SDC2: variants seen among roughly 807,000 people sequenced by gnomAD.
SDC2 encodes the protein syndecan 2.
In SDC2, 13 loss-of-function variants were observed where a neutral mutation model predicts 22.2. The observed-to-expected ratio is 0.59, with a 90% confidence interval of 0.38 to 0.93. SDC2 has a LOEUF of 0.93. Ranked by LOEUF, SDC2 falls within the 40% of genes least tolerant of loss-of-function variation. The probability of loss-of-function intolerance (pLI) is 0.00; values close to 1 mark genes in which losing one functional copy is unlikely to be tolerated. For missense variants in SDC2, 235 were observed against 246.8 expected (o/e 0.95, Z 0.32); for synonymous variants, 94 against 92.8 (o/e 1.01, Z -0.07).
At chr8:96,535,298 T>C (rs368337018) in intron 1 of SDC2, among the ~76,000 whole-genome samples, 14 of 152,336 alleles carry the variant, frequency 9.2e-5, no homozygotes, top group East Asian at 1.9e-4. Context: ...TGAGCCACTG[T>C]GCCCGGCCCC....
At chr8:96,572,379 T>G (rs1395907546) in intron 1 of SDC2, among the ~76,000 whole-genome samples, 1 of 152,178 alleles carries the variant, frequency 6.6e-6, no homozygotes, top group African/African-American at 2.4e-5. Flanking sequence ...TAATGCCCAC[T>G]GCCTGTGCAC....
chr8:96,518,795 A>C (rs1478368551), intron 1 of SDC2, among the ~76,000 whole-genome samples: 2 of 152,142 alleles, frequency 1.3e-5, no homozygotes, highest in Non-Finnish European at 2.9e-5. Context: ...AGTGGTAATA[A>C]TAATTAGGAA....
At chr8:96,557,822 A>G (rs1814144294) in intron 1 of SDC2, among the ~76,000 whole-genome samples, 1 of 152,188 alleles carries the variant, frequency 6.6e-6, no homozygotes, top group Non-Finnish European at 1.5e-5. Flanking sequence ...CAGTATTTTT[A>G]TCTCTTTGAT....
chr8:96,553,949 G>C (rs1814068121), intron 1 of SDC2, among the ~76,000 whole-genome samples: 3 of 151,582 alleles, frequency 2.0e-5, no homozygotes, highest in African/African-American at 7.3e-5. Context: ...TTTGTTGTTT[G>C]CTTTTTGTTT....
At chr8:96,541,166 C>A (rs143809164) in intron 1 of SDC2, among the ~76,000 whole-genome samples, 27 of 152,204 alleles carry the variant, frequency 1.8e-4, no homozygotes, top group East Asian at 9.7e-4. Flanking sequence ...CACGGTGGCT[C>A]ACACCTATAA....
At chr8:96,523,829 T>C (rs2130466440) in intron 1 of SDC2, among the ~76,000 whole-genome samples, 1 of 152,330 alleles carries the variant, frequency 6.6e-6, no homozygotes, top group Middle Eastern at 3.4e-3. Context: ...AATGATTTCT[T>C]TTCCCTTAAA....
At position 96,611,660 on chromosome 8, in the gene SDC2, G is replaced by T. The variant is rs1258663713; in HGVS notation, c.*2112G>T. On this transcript the variant is annotated 3_prime_UTR_variant, in exon 5 of 5. Coordinates refer to ENST00000302190, the MANE Select transcript of SDC2 (RefSeq NM_002998.4). ...AAATTCAATTCATAGAATAACAACTGCTGGGAATATCCGTGCCAGGAAAAG... is the reference window on the plus strand; with the variant it reads ...AAATTCAATTCATAGAATAACAACTTCTGGGAATATCCGTGCCAGGAAAAG... The T allele has an allele frequency of 6.6e-6, 1 of 152,586 alleles. No homozygotes were observed. The highest frequency in any genetic ancestry group is 1.5e-5 in the Non-Finnish European group (1 of 68,040). The allele number at this position is 152,586 out of a possible 1,614,324, so 9.5% of individuals were successfully genotyped here. A position where few individuals can be genotyped will look rare whatever the true frequency, so the allele number is the denominator to read the frequency against.
intron 1 of SDC2, among the ~76,000 whole-genome samples, chr8:96,570,125 A>G (rs1354823039): frequency 1.3e-5 from 2 of 152,202 alleles, no homozygotes; most frequent in African/African-American, 4.8e-5. Context: ...CACTATCACT[A>G]TCCTCTCCAT....
intron 1 of SDC2, among the ~76,000 whole-genome samples, chr8:96,542,931 C>T (rs917982849): frequency 2.0e-5 from 3 of 151,956 alleles, no homozygotes; most frequent in Non-Finnish European, 2.9e-5. Flanking sequence ...ATCCTTGTTA[C>T]AAGGGGGAAC....
At position 96,493,897 on chromosome 8, in the gene SDC2, A is replaced by C; in HGVS notation, c.-375A>C. 2 of 219,012 alleles carry C rather than the reference A, an allele frequency of 9.1e-6. No homozygotes were observed. The highest frequency in any genetic ancestry group is 9.0e-6 in the Non-Finnish European group (1 of 111,418). 13.6% of individuals were successfully genotyped at this position (219,012 alleles called of 1,614,324 possible). The stretch of plus-strand genomic sequence containing the variant: ...TTCTGCCGTAGCTCCCTTTCAAGCC[A>C]GCGAATTTATTCCTTAAAACCAGAA... On this transcript the variant is annotated 5_prime_UTR_variant, in exon 1 of 5. Coordinates refer to ENST00000302190, the MANE Select transcript of SDC2 (RefSeq NM_002998.4).
chr8:96,562,944 A>G (rs1333166562), intron 1 of SDC2, among the ~76,000 whole-genome samples: 1 of 151,550 alleles, frequency 6.6e-6, no homozygotes, highest in African/African-American at 2.4e-5. Flanking sequence ...TCCTTTCCTG[A>G]CAATATTTCC....
At chr8:96,524,964 CTT>C (rs1813555282) in intron 1 of SDC2, among the ~76,000 whole-genome samples, 1 of 152,182 alleles carries the variant, frequency 6.6e-6, no homozygotes, top group Non-Finnish European at 1.5e-5. Context: ...TGAGACAAGA[CTT>C]TGGCCATTAT....
chr8:96,565,177 C>T (rs1351507550), intron 1 of SDC2, among the ~76,000 whole-genome samples: 3 of 143,276 alleles, frequency 2.1e-5, no homozygotes, highest in African/African-American at 7.8e-5. Context: ...CTCCGCCTCC[C>T]GGGTTCAAGC....
Position 96,545,711 on chromosome 8 carries a change from A to G in SDC2, c.61-47769A>G, listed in dbSNP as rs573668928. On this transcript the variant is annotated intron_variant, in intron 1 of 4. Transcript: ENST00000302190. ...AGCCACATTCCTGCCTTCCACCCCG[A>G]CCCTGAAATTGCTTGTTTGGGCATT... Among the ~76,000 whole-genome samples the G allele has an allele frequency of 3.3e-5, 5 of 152,132 alleles. No individual in the cohort carries two copies. The East Asian group carries it at 9.7e-4, about 29-fold the overall frequency.
intron 1 of SDC2, among the ~76,000 whole-genome samples, chr8:96,575,459 G>C (rs1470839672): frequency 6.6e-6 from 1 of 152,156 alleles, no homozygotes; most frequent in Non-Finnish European, 1.5e-5. Context: ...ACTTTTCACT[G>C]AAGTATAACA....
intron 1 of SDC2, among the ~76,000 whole-genome samples, chr8:96,518,358 G>A (rs1813439513): frequency 7.7e-6 from 1 of 129,364 alleles, no homozygotes; most frequent in Non-Finnish European, 1.6e-5. Context: ...CTTACCTTGA[G>A]AGGTTTTTTT....
chr8:96,597,112 G>A (rs140766321), intron 2 of SDC2, among the ~76,000 whole-genome samples: 134 of 152,328 alleles, frequency 8.8e-4, no homozygotes, highest in African/African-American at 3.0e-3. Flanking sequence ...AACAGAACCC[G>A]GGGGTATTTC....
rs562587981 is a variant in SDC2 at position 96,536,581 on chromosome 8, CA to C, written c.60+42253del. On this transcript the variant is annotated intron_variant, in intron 1 of 4. Coordinates refer to ENST00000302190, the MANE Select transcript of SDC2 (RefSeq NM_002998.4). The stretch of plus-strand genomic sequence containing the variant: ...AAGCAGTCCCCCTCCCTTGGCCTCC[CA>C]AAGTGCTGGGATTACAGGCATGAGC... Among the ~76,000 whole-genome samples the C allele has an allele frequency of 1.1e-4, 16 of 152,310 alleles. No individual in the cohort carries two copies. The East Asian group carries it at 2.9e-3, about 28-fold the overall frequency.
intron 1 of SDC2, among the ~76,000 whole-genome samples, chr8:96,500,648 T>G: frequency 1.7e-5 from 2 of 119,572 alleles, no homozygotes; most frequent in South Asian, 2.7e-4. Context: ...GGCGACAGAG[T>G]GAGACTCCAT....
Sources: allele counts gnomAD v4.1 joint callset (sites outside exome capture counted in the v4.1 genomes callset), GRCh38; gene constraint gnomAD v4.1.1; transcripts MANE v1.5; gene names NCBI Gene and HGNC (gene_info 2026-07-23, HGNC 2026-07-21).